The following GRIK3 variants were observed in gnomAD, a reference collection of about 807,000 sequenced individuals.
GRIK3 encodes glutamate receptor ionotropic, kainate 3.
Under a neutral mutation model 102.5 loss-of-function variants are expected in GRIK3, and 29 were observed. The ratio of observed to expected loss-of-function variants is 0.28; its 90% CI spans 0.21 to 0.39. The LOEUF (loss-of-function observed/expected upper bound fraction) is 0.39. GRIK3 is among the 10% of genes least tolerant of loss of function. The probability of loss-of-function intolerance (pLI) is 1.00; values close to 1 mark genes in which losing one functional copy is unlikely to be tolerated. For missense variants in GRIK3, 908 were observed against 1,252.4 expected (o/e 0.73, Z 4.15); for synonymous variants, 511 against 504.9 (o/e 1.01, Z -0.16).
At chr1:36,873,730 G>A (rs756768364) in intron 3 of GRIK3, among the ~76,000 whole-genome samples, 1 of 151,928 alleles carries the variant, frequency 6.6e-6, no homozygotes, top group Non-Finnish European at 1.5e-5. Flanking sequence ...GGGGTCCATC[G>A]TCAGCTCTAG....
chr1:36,879,588 G>A (rs1043517654), intron 3 of GRIK3, among the ~76,000 whole-genome samples: 1 of 152,218 alleles, frequency 6.6e-6, no homozygotes. Flanking sequence ...TGCTAGGTGT[G>A]TGCTCTGGGC....
chr1:36,951,124 C>T (rs554118137), intron 1 of GRIK3, among the ~76,000 whole-genome samples: 2 of 152,330 alleles, frequency 1.3e-5, no homozygotes, highest in African/African-American at 2.4e-5. Context: ...GCTGGCTGGG[C>T]CAGGAGGCCA....
chr1:36,882,545 T>C (rs1401783868), intron 2 of GRIK3, among the ~76,000 whole-genome samples: 1 of 152,210 alleles, frequency 6.6e-6, no homozygotes, highest in Non-Finnish European at 1.5e-5. Flanking sequence ...ACCCCTCTTT[T>C]CCACTGTCAA....
In GRIK3 at chr1:36,972,024, C is replaced by A. The variant is rs148548222; in HGVS notation, c.115+61970G>T. ...CCCCTTTGCTAATTATTAAACTTCT[C>A]TGAATGGAAATGAATCACGGAGCCA... is the stretch of plus-strand genomic sequence containing the variant. On this transcript the variant is annotated intron_variant, in intron 1 of 15. Transcript: ENST00000373091. 4.6e-3 allele frequency among the ~76,000 whole-genome samples: 700 copies of A among 152,342 alleles called. 6 individuals carry two copies. Among genetic ancestry groups the A allele is most frequent in the African/African-American group, 0.016 (670 of 41,586 alleles).
chr1:36,862,748 C>T (rs565459045), intron 5 of GRIK3, among the ~76,000 whole-genome samples: 1 of 152,296 alleles, frequency 6.6e-6, no homozygotes, highest in East Asian at 1.9e-4. Context: ...GTTGCCTCAT[C>T]TGCAAAATGG....
chr1:37,030,358 G>C (rs189205305), intron 1 of GRIK3, among the ~76,000 whole-genome samples: 1 of 152,164 alleles, frequency 6.6e-6, no homozygotes, highest in Non-Finnish European at 1.5e-5. Context: ...CCAGTCATAG[G>C]AGTTACAGAT....
chr1:37,026,279 C>T (rs765621518), intron 1 of GRIK3, among the ~76,000 whole-genome samples: 4 of 152,208 alleles, frequency 2.6e-5, no homozygotes, highest in Non-Finnish European at 2.9e-5. Flanking sequence ...TTATGAGCAT[C>T]CAAGAAAGGG....
intron 2 of GRIK3, among the ~76,000 whole-genome samples, chr1:36,884,464 G>T (rs1641017441): frequency 6.6e-6 from 1 of 152,060 alleles, no homozygotes; most frequent in Non-Finnish European, 1.5e-5. Context: ...CGACAACCTT[G>T]TCCCCTTCAG....
chr1:36,983,989 G>C (rs1347944722), intron 1 of GRIK3, among the ~76,000 whole-genome samples: 1 of 152,152 alleles, frequency 6.6e-6, no homozygotes, highest in Non-Finnish European at 1.5e-5. Flanking sequence ...ACACAGAGCA[G>C]CACCCAATAA....
At chr1:36,866,554 T>C (rs1179526072) in intron 5 of GRIK3, among the ~76,000 whole-genome samples, 1 of 152,202 alleles carries the variant, frequency 6.6e-6, no homozygotes, top group Non-Finnish European at 1.5e-5. Context: ...AAGCAGGATG[T>C]TTAGTTTATT....
intron 1 of GRIK3, among the ~76,000 whole-genome samples, chr1:36,958,472 CT>C (rs1243549676): frequency 1.4e-5 from 2 of 141,550 alleles, no homozygotes; most frequent in Non-Finnish European, 1.5e-5. Flanking sequence ...TCTGTGCCCC[CT>C]AAGTCTGTGT....
chr1:36,830,948 CT>C (rs1372358043), intron 10 of GRIK3, among the ~76,000 whole-genome samples: 1 of 151,948 alleles, frequency 6.6e-6, no homozygotes, highest in African/African-American at 2.4e-5. Flanking sequence ...CACCAGAAGA[CT>C]GGAGAGAAGC....
intron 13 of GRIK3, among the ~76,000 whole-genome samples, chr1:36,812,787 T>G (rs1016374761): frequency 1.3e-5 from 2 of 152,080 alleles, no homozygotes; most frequent in Non-Finnish European, 2.9e-5. Context: ...TTTAAGACTG[T>G]GTGCTTCCTA....
chr1:36,897,316 C>A (rs1412184562), intron 1 of GRIK3, among the ~76,000 whole-genome samples: 4 of 152,108 alleles, frequency 2.6e-5, no homozygotes, highest in Non-Finnish European at 4.4e-5. Context: ...AAAGTCAATA[C>A]ACAAAATCAG....
chr1:36,875,557 C>T (rs543583400), intron 3 of GRIK3, among the ~76,000 whole-genome samples: 1 of 152,368 alleles, frequency 6.6e-6, no homozygotes, highest in African/African-American at 2.4e-5. Context: ...ATTGGGTTTG[C>T]TCTCTCGCCC....
chr1:36,853,832 C>A, intron 7 of GRIK3, 110 bp from the exon 8 acceptor site: 1 of 684,398 alleles, frequency 1.5e-6, no homozygotes, highest in East Asian at 2.6e-5. Flanking sequence ...ACTGTTCCCC[C>A]AAGACCATGA....
At chr1:36,928,884 T>C (rs1423391934) in intron 1 of GRIK3, among the ~76,000 whole-genome samples, 1 of 152,192 alleles carries the variant, frequency 6.6e-6, no homozygotes, top group Non-Finnish European at 1.5e-5. Flanking sequence ...AGCCTTGGGG[T>C]ACAGGTGTCA....
chr1:36,967,502 T>G (rs1375296121), intron 1 of GRIK3, among the ~76,000 whole-genome samples: 1 of 152,154 alleles, frequency 6.6e-6, no homozygotes, highest in African/African-American at 2.4e-5. Flanking sequence ...ATGGAAACAC[T>G]GACACCAGGA....
chr1:37,013,622 C>A (rs994895575), intron 1 of GRIK3, among the ~76,000 whole-genome samples: 3 of 152,218 alleles, frequency 2.0e-5, no homozygotes, highest in Non-Finnish European at 4.4e-5. Context: ...GAGAGCTCTG[C>A]TTCTTAGCCG....
Sources: gnomAD v4.1 joint callset for allele counts (sites outside exome capture counted in the v4.1 genomes callset) on GRCh38, gnomAD v4.1.1 for gene constraint, MANE v1.5 for transcripts, NCBI Gene and HGNC (gene_info 2026-07-23, HGNC 2026-07-21) for gene names.